The following PLXNC1 variants were observed in gnomAD, a reference collection of about 807,000 sequenced individuals.
The protein encoded by PLXNC1 is plexin C1, also known as plexin-C1.
A neutral mutation model predicts 178.2 loss-of-function variants in PLXNC1; 75 were observed. The observed-to-expected ratio is 0.42, with a 90% CI of 0.35 to 0.51. The LOEUF (loss-of-function observed/expected upper bound fraction) is 0.51, where lower values mean the gene tolerates loss of function less well. Among genes scored for constraint, PLXNC1 ranks in the 20% least tolerant of loss-of-function variants. The pLI, the probability that PLXNC1 is intolerant of heterozygous loss-of-function variation, is 0.02. For missense variants in PLXNC1, 1,503 were observed against 1,984.4 expected, an observed-to-expected ratio of 0.76 and a Z score of 4.61; for synonymous variants, 790 against 779.9, an observed-to-expected ratio of 1.01 and a Z score of -0.22.
rs1366561533 is a variant in PLXNC1 at position 94,306,720 on chromosome 12, G to A, written c.*1435G>A. The A allele has an allele frequency of 6.6e-6, 1 of 152,090 alleles. No individual in the cohort carries two copies. The highest frequency in any genetic ancestry group is 1.5e-5 in the Non-Finnish European group (1 of 68,028). 9.4% of individuals were successfully genotyped at this position (152,090 alleles called of 1,614,324 possible). ...GTATGGAGCATTAGGATTTAAATAT[G>A]AATTTGTCTTAAAGGCAATTCCTTT... On this transcript the variant is annotated 3_prime_UTR_variant, in exon 31 of 31. Coordinates refer to ENST00000258526, the MANE Select transcript of PLXNC1 (RefSeq NM_005761.3).
At chr12:94,245,358 A>G (rs1458574391) in intron 12 of PLXNC1, among the ~76,000 whole-genome samples, 3 of 152,210 alleles carry the variant, frequency 2.0e-5, no homozygotes, top group African/African-American at 7.2e-5. Flanking sequence ...TATTGCCTTC[A>G]TGGAGGCAGG....
chr12:94,193,865 G>A (rs958356805), intron 4 of PLXNC1, among the ~76,000 whole-genome samples: 7 of 152,176 alleles, frequency 4.6e-5, no homozygotes, highest in Non-Finnish European at 7.3e-5. Flanking sequence ...AACGCGGGGG[G>A]TGGACTTCCA....
In PLXNC1 at chr12:94,306,540, C is replaced by A. The variant is rs1969037204; in HGVS notation, c.*1255C>A. Reference sequence around the variant, plus strand: ...ACCACTGTGTTTTCCTTCTATTAAACCAGAAGAAGTAAACAGCATAATTGG... The same window carrying A: ...ACCACTGTGTTTTCCTTCTATTAAAACAGAAGAAGTAAACAGCATAATTGG... On this transcript the variant is annotated 3_prime_UTR_variant, in exon 31 of 31. Coordinates refer to ENST00000258526, the MANE Select transcript of PLXNC1 (RefSeq NM_005761.3). The A allele has an allele frequency of 1.3e-5, 2 of 152,102 alleles. No individual in the cohort carries two copies. The highest frequency in any genetic ancestry group is 4.8e-5 in the African/African-American group (2 of 41,430). The allele number at this position is 152,102 out of a possible 1,614,324, so 9.4% of individuals were successfully genotyped here. A position where few individuals can be genotyped will look rare whatever the true frequency, so the allele number is the denominator to read the frequency against.
intron 23 of PLXNC1, among the ~76,000 whole-genome samples, chr12:94,291,927 C>T (rs1043142195): frequency 6.6e-6 from 1 of 152,168 alleles, no homozygotes; most frequent in Non-Finnish European, 1.5e-5. Context: ...CTTTTGGAGT[C>T]CCTCATGTCT....
chr12:94,303,945 T>C (rs1199740590), intron 29 of PLXNC1, 32 bp from the exon 30 acceptor site: 5 of 1,607,668 alleles, frequency 3.1e-6, no homozygotes, highest in South Asian at 1.1e-5. Context: ...CTTTACGTCA[T>C]TTCAGAATCT....
In PLXNC1 at chr12:94,299,412, T is replaced by G. The variant is rs538982295; in HGVS notation, c.4238+617T>G. 2.6e-5 allele frequency among the ~76,000 whole-genome samples: 4 copies of G among 152,340 alleles called. No homozygotes were observed. In the East Asian group the frequency reaches 7.7e-4, roughly 29 times the overall value. ...GTTATGATGAAGTAGAACTTCTCAG[T>G]GCAAGCTCAAGGCTTTCCAGGCACT... On this transcript the variant is annotated intron_variant, in intron 27 of 30. Coordinates refer to ENST00000258526, the MANE Select transcript of PLXNC1 (RefSeq NM_005761.3).
intron 23 of PLXNC1, among the ~76,000 whole-genome samples, chr12:94,287,315 G>C (rs951979587): frequency 4.6e-5 from 7 of 152,208 alleles, no homozygotes; most frequent in Non-Finnish European, 1.0e-4. Context: ...CTATGAAGGG[G>C]ACTGTGCTTT....
intron 4 of PLXNC1, among the ~76,000 whole-genome samples, chr12:94,195,965 A>T (rs1249477869): frequency 1.3e-5 from 2 of 151,980 alleles, no homozygotes; most frequent in African/African-American, 2.4e-5. Context: ...TCCTTTTTTT[A>T]TCTTGCTCTC....
chr12:94,252,715 C>CTACGCCCTAGAGAGAGGGAATG (rs1412308561), intron 15 of PLXNC1, among the ~76,000 whole-genome samples: 2 of 152,198 alleles, frequency 1.3e-5, no homozygotes, highest in Non-Finnish European at 2.9e-5. Flanking sequence ...TGAGTAGCAG[C>CTACGCCCTAGAGAGAGGGAATG]TACGCCCTAG....
At chr12:94,242,539 G>A (rs867444449) in intron 11 of PLXNC1, among the ~76,000 whole-genome samples, 1 of 151,766 alleles carries the variant, frequency 6.6e-6, no homozygotes, top group Non-Finnish European at 1.5e-5. Flanking sequence ...AACCACCCAC[G>A]TCTCTAAATA....
chr12:94,213,797 A>C, intron 5 of PLXNC1, among the ~76,000 whole-genome samples: 1 of 151,854 alleles, frequency 6.6e-6, no homozygotes, highest in East Asian at 1.9e-4. Context: ...TCTAACATTT[A>C]AGTCTTTAAT....
chr12:94,259,962 T>A (rs931634521), intron 19 of PLXNC1, among the ~76,000 whole-genome samples: 3 of 152,024 alleles, frequency 2.0e-5, no homozygotes, highest in Non-Finnish European at 4.4e-5. Flanking sequence ...CAAACCACTA[T>A]CTGAACTTGG....
intron 6 of PLXNC1, 48 bp from the exon 7 acceptor site, chr12:94,224,180 C>CTA: frequency 9.3e-7 from 1 of 1,070,422 alleles, no homozygotes; most frequent in Non-Finnish European, 1.5e-6. Context: ...CTATGCTTGA[C>CTA]TATAGCAGGA....
chr12:94,236,970 C>T (rs1330290674), intron 9 of PLXNC1, among the ~76,000 whole-genome samples: 1 of 151,978 alleles, frequency 6.6e-6, no homozygotes, highest in African/African-American at 2.4e-5. Context: ...TGGCATTCAC[C>T]TATATGGTAT....
At chr12:94,267,366 TCA>T (rs1179349935) in intron 21 of PLXNC1, among the ~76,000 whole-genome samples, 1 of 152,234 alleles carries the variant, frequency 6.6e-6, no homozygotes, top group African/African-American at 2.4e-5. Context: ...ATTATTTATT[TCA>T]CAGTCAATTA....
At position 94,253,211 on chromosome 12, in the gene PLXNC1, G is replaced by GAAAAAAAAA. The variant is rs35584186; in HGVS notation, c.2882-1557_2882-1549dup. 9.5e-5 allele frequency among the ~76,000 whole-genome samples: 4 copies of GAAAAAAAAA among 42,024 alleles called. 1 individual carries two copies. Among genetic ancestry groups the GAAAAAAAAA allele is most frequent in the Non-Finnish European group, 1.6e-4 (3 of 18,378 alleles). The allele number at this position is 42,024 out of a possible 152,430, so 27.6% of individuals were successfully genotyped here. On this transcript the variant is annotated intron_variant, in intron 15 of 30. Coordinates refer to ENST00000258526, the MANE Select transcript of PLXNC1 (RefSeq NM_005761.3). ...GGCCACAGAACAAGACTCCGTCTCA[G>GAAAAAAAAA]AAAAAAAAAAAAAAAAAAAAAAAAA...
intron 4 of PLXNC1, among the ~76,000 whole-genome samples, chr12:94,195,696 G>A (rs1369920735): frequency 2.0e-5 from 3 of 152,178 alleles, no homozygotes; most frequent in African/African-American, 7.2e-5. Context: ...GCAGCCCCTG[G>A]TGGCTGTTTT....
intron 16 of PLXNC1, 81 bp from the exon 17 acceptor site, chr12:94,255,112 C>A: frequency 8.7e-7 from 1 of 1,144,978 alleles, no homozygotes; most frequent in Non-Finnish European, 1.3e-6. Flanking sequence ...CAAGGTCATA[C>A]TCTGTGTTAG....
chr12:94,288,345 A>G (rs1966906547), intron 23 of PLXNC1, among the ~76,000 whole-genome samples: 1 of 151,672 alleles, frequency 6.6e-6, no homozygotes. Context: ...GACAACTCCA[A>G]CCCAACAGGA....
Sources: allele counts gnomAD v4.1 joint callset (sites outside exome capture counted in the v4.1 genomes callset), GRCh38; gene constraint gnomAD v4.1.1; transcripts MANE v1.5; gene names NCBI Gene and HGNC (gene_info 2026-07-23, HGNC 2026-07-21).